The following NDST3 variants were observed in gnomAD, a reference collection of about 807,000 sequenced individuals.
The protein encoded by NDST3 is N-deacetylase and N-sulfotransferase 3, also known as bifunctional heparan sulfate N-deacetylase/N-sulfotransferase 3.
In NDST3, 58 loss-of-function variants were observed where a neutral mutation model predicts 96.1. That is an observed-to-expected ratio of 0.60 (90% CI 0.49 to 0.75). NDST3 has a LOEUF of 0.75. Among genes scored for constraint, NDST3 ranks in the 30% least tolerant of loss-of-function variants. The pLI, the probability that NDST3 is intolerant of heterozygous loss-of-function variation, is 0.00. For missense variants in NDST3, 788 were observed against 1,034.2 expected, an observed-to-expected ratio of 0.76 and a Z score of 3.27; for synonymous variants, 333 against 359.7, an observed-to-expected ratio of 0.93 and a Z score of 0.84.
At chr4:118,049,724 A>G (rs1237382249) in intron 1 of NDST3, among the ~76,000 whole-genome samples, 1 of 150,578 alleles carries the variant, frequency 6.6e-6, no homozygotes, top group Non-Finnish European at 1.5e-5. Flanking sequence ...CTGAATCAGT[A>G]ATAATAATAA....
chr4:118,043,360 TG>T (rs2110429140), intron 1 of NDST3, among the ~76,000 whole-genome samples: 1 of 152,270 alleles, frequency 6.6e-6, no homozygotes, highest in Admixed American at 6.5e-5. Context: ...CTGGCACAAG[TG>T]GTGCAATGAT....
chr4:118,129,071 C>A (rs1037589152), intron 4 of NDST3, among the ~76,000 whole-genome samples: 7 of 151,766 alleles, frequency 4.6e-5, no homozygotes, highest in Non-Finnish European at 4.4e-5. Context: ...TTTGGGTCCT[C>A]ATCCTTTTTT....
chr4:118,171,395 C>T (rs958418915), intron 6 of NDST3, among the ~76,000 whole-genome samples: 3 of 152,176 alleles, frequency 2.0e-5, no homozygotes, highest in Non-Finnish European at 4.4e-5. Flanking sequence ...TCAATCTTAC[C>T]TCCAGGGCAT....
chr4:118,235,391 A>C (rs1314917623), intron 9 of NDST3, among the ~76,000 whole-genome samples: 1 of 152,118 alleles, frequency 6.6e-6, no homozygotes, highest in Non-Finnish European at 1.5e-5. Flanking sequence ...TACACTAGAA[A>C]AATGCGGACA....
chr4:118,151,420 A>G (rs1403547890), intron 6 of NDST3, among the ~76,000 whole-genome samples: 1 of 152,130 alleles, frequency 6.6e-6, no homozygotes, highest in African/African-American at 2.4e-5. Context: ...AAAAAACAAC[A>G]ACAACAACAA....
chr4:118,073,524 T>G (rs1428197396), intron 2 of NDST3, among the ~76,000 whole-genome samples: 2 of 152,298 alleles, frequency 1.3e-5, no homozygotes, highest in Admixed American at 6.5e-5. Flanking sequence ...GTGTTCATAA[T>G]AGCCTCTGAG....
intron 6 of NDST3, among the ~76,000 whole-genome samples, chr4:118,221,589 G>C (rs987715257): frequency 1.3e-5 from 2 of 151,964 alleles, no homozygotes; most frequent in African/African-American, 4.8e-5. Context: ...GTTGATGCTA[G>C]AAAGTATAGA....
intron 2 of NDST3, among the ~76,000 whole-genome samples, chr4:118,096,428 G>C (rs928271149): frequency 2.0e-5 from 3 of 151,760 alleles, no homozygotes; most frequent in Non-Finnish European, 4.4e-5. Context: ...CTGATAACCT[G>C]ATTAGTTGGT....
intron 3 of NDST3, among the ~76,000 whole-genome samples, chr4:118,112,531 T>C (rs944193368): frequency 2.6e-5 from 4 of 152,132 alleles, no homozygotes; most frequent in African/African-American, 9.7e-5. Flanking sequence ...TGGCAACAAA[T>C]AACTGACACT....
intron 11 of NDST3, among the ~76,000 whole-genome samples, chr4:118,241,464 C>A (rs541023931): frequency 6.6e-6 from 1 of 150,868 alleles, no homozygotes; most frequent in Non-Finnish European, 1.5e-5. Flanking sequence ...ATCCTGGTCT[C>A]CTCTCATCTT....
At position 118,078,561 on chromosome 4, in the gene NDST3, G is replaced by T. The variant is rs571225117; in HGVS notation, c.981+23670G>T. Among the ~76,000 whole-genome samples the T allele has an allele frequency of 5.9e-5, 9 of 152,210 alleles. No individual in the cohort carries two copies. The South Asian group carries it at 1.9e-3, about 32-fold the overall frequency. ...GGGTCAGGAGCTCGAGACCAGCCTG[G>T]CCAACATGGTGAAACCCTGTCTCTA... On this transcript the variant is annotated intron_variant, in intron 2 of 13. Coordinates refer to ENST00000296499, the MANE Select transcript of NDST3 (RefSeq NM_004784.3).
At chr4:118,247,529 G>GT (rs1560745087) in intron 12 of NDST3, among the ~76,000 whole-genome samples, 2 of 152,120 alleles carry the variant, frequency 1.3e-5, no homozygotes, top group South Asian at 2.1e-4. Context: ...TCCAGCCTGG[G>GT]CGACAAGAGT....
At chr4:118,156,435 G>A (rs1374543204) in intron 6 of NDST3, among the ~76,000 whole-genome samples, 1 of 152,112 alleles carries the variant, frequency 6.6e-6, no homozygotes, top group Non-Finnish European at 1.5e-5. Context: ...TTCCTTGATG[G>A]AAGACATCAT....
intron 10 of NDST3, among the ~76,000 whole-genome samples, chr4:118,238,764 C>T (rs1042935630): frequency 6.6e-5 from 10 of 152,088 alleles, no homozygotes; most frequent in Non-Finnish European, 5.9e-5. Flanking sequence ...AAGTAATAAG[C>T]GACTGACATA....
intron 4 of NDST3, among the ~76,000 whole-genome samples, chr4:118,134,033 A>T (rs1732866039): frequency 6.6e-6 from 1 of 152,246 alleles, no homozygotes; most frequent in South Asian, 2.1e-4. Context: ...AGCTACTAAG[A>T]GAAGTTTTAA....
intron 2 of NDST3, among the ~76,000 whole-genome samples, chr4:118,088,504 T>C (rs548500003): frequency 6.6e-6 from 1 of 152,198 alleles, no homozygotes; most frequent in South Asian, 2.1e-4. Flanking sequence ...CTGCACATTA[T>C]ACCTTCTCAC....
intron 5 of NDST3, among the ~76,000 whole-genome samples, chr4:118,141,889 C>T (rs1733600357): frequency 1.3e-5 from 2 of 151,962 alleles, no homozygotes; most frequent in Admixed American, 1.3e-4. Context: ...CTCCATGCAA[C>T]CTATTAACAT....
chr4:118,178,481 G>A (rs1414703284), intron 6 of NDST3, among the ~76,000 whole-genome samples: 1 of 151,814 alleles, frequency 6.6e-6, no homozygotes, highest in Non-Finnish European at 1.5e-5. Context: ...TATCCTCAAG[G>A]TTCATTGATG....
intron 2 of NDST3, among the ~76,000 whole-genome samples, chr4:118,064,166 T>C (rs1051148731): frequency 1.3e-5 from 2 of 152,188 alleles, no homozygotes; most frequent in South Asian, 2.1e-4. Flanking sequence ...AAATTGCCCA[T>C]AATTCTGATA....
Sources: allele counts gnomAD v4.1 joint callset (sites outside exome capture counted in the v4.1 genomes callset), GRCh38; gene constraint gnomAD v4.1.1; transcripts MANE v1.5; gene names NCBI Gene and HGNC (gene_info 2026-07-23, HGNC 2026-07-21).